Variants in MYBPC3 observed in about 807,000 individuals in gnomAD.
MYBPC3 encodes myosin-binding protein C, cardiac-type.
In MYBPC3, 108 loss-of-function variants were observed where a neutral mutation model predicts 159.3. The ratio of observed to expected loss-of-function variants is 0.68; its 90% CI spans 0.58 to 0.80. The LOEUF (loss-of-function observed/expected upper bound fraction) is 0.80. Among genes scored for constraint, MYBPC3 ranks in the 30% least tolerant of loss-of-function variants. The pLI is 0.00. For missense variants in MYBPC3, 1,631 were observed against 1,762.1 expected, an observed-to-expected ratio of 0.93 and a Z score of 1.33; for synonymous variants, 730 against 702.0, an observed-to-expected ratio of 1.04 and a Z score of -0.63.
Position 47,337,571 on chromosome 11 carries a change from G to A in MYBPC3, c.2422C>T (p.Leu808=). 1.2e-6 allele frequency: 2 copies of A among 1,613,988 alleles called. No homozygotes were observed. Among genetic ancestry groups the A allele is most frequent in the Non-Finnish European group, 1.7e-6 (2 of 1,179,898 alleles). ...TAGCTCTTCTTCTTCTTGCGCTCCA[G>A]GATGTAGCCTGGCTCAGGGGAGGTG... The part of the protein sequence containing the change: ...DGGQPILGYI[L]ERKKKKSYRW... The change falls in exon 25 of 35, where the codon CTG becomes TTG. Residue 808 remains leucine (L), a synonymous_variant. Transcript: ENST00000545968.
rs1441492573 is a variant in MYBPC3 at position 47,351,172 on chromosome 11, T to C, written c.292+67A>G. On this transcript the variant is annotated intron_variant, in intron 2 of 34. Transcript: ENST00000545968. The surrounding 1 kb of genome is among the most constrained non-coding windows in gnomAD (Gnocchi z 4.2). ...AAGCACCTCCTGTTCCCTGGATGGA[T>C]GGAGAGTCGCTGGGCTGCCCCTCCC... 4 of 1,440,990 alleles carry C rather than the reference T, an allele frequency of 2.8e-6. No homozygotes were observed. Among genetic ancestry groups the C allele is most frequent in the Admixed American group, 2.6e-5 (1 of 38,832 alleles). 89.3% of individuals were successfully genotyped at this position (1,440,990 alleles called of 1,614,324 possible).
chr11:47,345,441 C>T lies in MYBPC3; in HGVS notation c.1090+766G>A, dbSNP rs577269145. On this transcript the variant is annotated intron_variant, in intron 12 of 34. Transcript: ENST00000545968. ...CAGCTCCTCTCCCCGTCCCCATGAT[C>T]GTGTGTGTTTTGTGTGTGTGCTTTG... Among the ~76,000 whole-genome samples the T allele has an allele frequency of 6.6e-5, 10 of 152,212 alleles. No individual in the cohort carries two copies. In the East Asian group the frequency reaches 1.2e-3, roughly 18 times the overall value.
At chr11:47,337,199 T>G (rs1293802896) in intron 25 of MYBPC3, among the ~76,000 whole-genome samples, 192 bp downstream of exon 25, 1 of 152,118 alleles carries the variant, frequency 6.6e-6, no homozygotes, top group African/African-American at 2.4e-5. Flanking sequence ...AGCTGGGAGA[T>G]CTCAAGCAGG....
Position 47,343,708 on chromosome 11 carries a change from C to T in MYBPC3, c.1091-84G>A, listed in dbSNP as rs935004835. On this transcript the variant is annotated intron_variant, in intron 12 of 34. Coordinates refer to ENST00000545968, the MANE Select transcript of MYBPC3 (RefSeq NM_000256.3). ...AAGCTACTGTGGCTGTGGCTGGGGC[C>T]CAGGTCCCCCCCTCCAATCCCCTCT... is the stretch of plus-strand genomic sequence containing the variant. 4.3e-6 allele frequency: 6 copies of T among 1,404,752 alleles called. No individual in the cohort carries two copies. The African/African-American group carries it at 8.5e-5, about 20-fold the overall frequency. 87.0% of individuals were successfully genotyped at this position (1,404,752 alleles called of 1,614,324 possible).
intron 2 of MYBPC3, 78 bp from the exon 3 acceptor site, chr11:47,350,693 C>T (rs2095899868): frequency 7.2e-7 from 1 of 1,392,670 alleles, no homozygotes; most frequent in South Asian, 1.8e-5. Flanking sequence ...GAGCATTGGA[C>T]CCATGAGCCC....
rs567178906 is a variant in MYBPC3 at position 47,347,965 on chromosome 11, C to A, written c.773-60G>T. ...CTTCAGAGGGGGCCGTTTGAGAAGCCCTGCCCTGGGGGCGGCCTCTGAGTA... is the reference window on the plus strand; with the variant it reads ...CTTCAGAGGGGGCCGTTTGAGAAGCACTGCCCTGGGGGCGGCCTCTGAGTA... On this transcript the variant is annotated intron_variant, in intron 6 of 34. Coordinates refer to ENST00000545968, the MANE Select transcript of MYBPC3 (RefSeq NM_000256.3). The A allele has an allele frequency of 6.1e-5, 91 of 1,495,610 alleles. No individual in the cohort carries two copies. The African/African-American group carries it at 1.2e-3, about 19-fold the overall frequency. The allele number at this position is 1,495,610 out of a possible 1,614,324, so 92.6% of individuals were successfully genotyped here. A position where few individuals can be genotyped will look rare whatever the true frequency, so the allele number is the denominator to read the frequency against.
intron 12 of MYBPC3, among the ~76,000 whole-genome samples, chr11:47,345,792 C>T (rs1351354896): frequency 6.6e-6 from 1 of 152,156 alleles, no homozygotes; most frequent in African/African-American, 2.4e-5. Context: ...GGCCTCTTCC[C>T]TTTTCTTTTG....
At chr11:47,348,121 C>T (rs923266429) in intron 6 of MYBPC3, among the ~76,000 whole-genome samples, 3 of 152,202 alleles carry the variant, frequency 2.0e-5, no homozygotes, top group African/African-American at 7.2e-5. Context: ...CCACCCATCT[C>T]TCAACTCACC....
At position 47,339,774 on chromosome 11, in the gene MYBPC3, G is replaced by A. The variant is rs750861887; in HGVS notation, c.1944C>T (p.His648=). The A allele has an allele frequency of 3.1e-6, 5 of 1,613,648 alleles. No homozygotes were observed. Among genetic ancestry groups the A allele is most frequent in the African/African-American group, 1.3e-5 (1 of 74,936 alleles). Residue 648 remains histidine (H), a synonymous_variant, in exon 21 of 35, where the codon CAC becomes CAT. Coordinates refer to ENST00000545968, the MANE Select transcript of MYBPC3 (RefSeq NM_000256.3). ...FVPRQEPPKI[H]LDCPGRIPDT... Reference sequence around the variant, plus strand: ...CTGGTATGCGGCCTGGGCAGTCCAGGTGGATCTTGGGAGGTTCTGCAGAAG... The same window carrying A: ...CTGGTATGCGGCCTGGGCAGTCCAGATGGATCTTGGGAGGTTCTGCAGAAG...
chr11:47,346,687 G>A lies in MYBPC3; in HGVS notation c.909-43C>T, dbSNP rs370771983. ...GTGGGAGAAAGGGTAGGTGGCACATGAGAGGTATGGCCACCTTCCCTCAAA... is the reference window on the plus strand; with the variant it reads ...GTGGGAGAAAGGGTAGGTGGCACATAAGAGGTATGGCCACCTTCCCTCAAA... On this transcript the variant is annotated intron_variant, in intron 10 of 34. Coordinates refer to ENST00000545968, the MANE Select transcript of MYBPC3 (RefSeq NM_000256.3). This position sits in a 1 kb window ranked among gnomAD's most constrained non-coding sequence, Gnocchi z 5.3. 142 of 1,581,590 alleles carry A rather than the reference G, an allele frequency of 9.0e-5. 1 individual carries two copies. In the African/African-American group the frequency reaches 1.9e-3, roughly 21 times the overall value.
chr11:47,339,755 T>C lies in MYBPC3; in HGVS notation c.1963A>G (p.Ile655Val). 3 of 1,613,942 alleles carry C rather than the reference T, an allele frequency of 1.9e-6. No individual in the cohort carries two copies. Among genetic ancestry groups the C allele is most frequent in the Non-Finnish European group, 2.5e-6 (3 of 1,179,830 alleles). Reference sequence around the variant, plus strand: ...GCTACAACCACAATGGTGTCTGGTATGCGGCCTGGGCAGTCCAGGTGGATC... The same window carrying C: ...GCTACAACCACAATGGTGTCTGGTACGCGGCCTGGGCAGTCCAGGTGGATC... ...PKIHLDCPGR[I>V]PDTIVVVAGN... The change falls in exon 21 of 35, where the codon ATA becomes GTA. Residue 655 changes from isoleucine to valine, a missense_variant. Physicochemically the swap from Ile to Val is conservative, Grantham distance 29. Transcript: ENST00000545968.
At chr11:47,345,426 C>T (rs1054500270) in intron 12 of MYBPC3, among the ~76,000 whole-genome samples, 1 of 152,174 alleles carries the variant, frequency 6.6e-6, no homozygotes, top group African/African-American at 2.4e-5. Context: ...CAGCTCCTCT[C>T]CCCGTCCCCA....
Position 47,332,360 on chromosome 11 carries a change from C to T in MYBPC3, c.3628-102G>A, listed in dbSNP as rs557284558. ...CTGTGTTTCTACTCGGGGGGTCCCA[C>T]GAGAGTCCCTGACTATGCCCAAGGC... On this transcript the variant is annotated intron_variant, in intron 32 of 34. Coordinates refer to ENST00000545968, the MANE Select transcript of MYBPC3 (RefSeq NM_000256.3). The surrounding 1 kb of genome is among the most constrained non-coding windows in gnomAD (Gnocchi z 4.2). The T allele has an allele frequency of 4.0e-5, 59 of 1,467,210 alleles. No individual in the cohort carries two copies. The South Asian group carries it at 4.8e-4, about 12-fold the overall frequency. The allele number at this position is 1,467,210 out of a possible 1,614,324, so 90.9% of individuals were successfully genotyped here.
intron 9 of MYBPC3, 28 bp downstream of exon 9, chr11:47,347,398 G>T (rs899144129): frequency 6.4e-7 from 1 of 1,568,460 alleles, no homozygotes; most frequent in East Asian, 2.4e-5. Flanking sequence ...CTCACCAGCT[G>T]CCCCAGGAAC....
At chr11:47,347,730 C>G (rs373463107) in intron 7 of MYBPC3, 50 bp from the exon 8 acceptor site, 2 of 1,552,388 alleles carry the variant, frequency 1.3e-6, no homozygotes, top group Non-Finnish European at 1.7e-6. Flanking sequence ...GCTTGCTCTC[C>G]CCTGCAGCCC....
rs747599797 is a variant in MYBPC3 at position 47,332,303 on chromosome 11, AG to A, written c.3628-46del. ...AGGGAGGGAAGCCATCCAGGCTGAGAGGGGACCTGGCAGGGACCCAGGGAGA... is the reference window on the plus strand; with the variant it reads ...AGGGAGGGAAGCCATCCAGGCTGAGAGGGACCTGGCAGGGACCCAGGGAGA... On this transcript the variant is annotated intron_variant, in intron 32 of 34. Transcript: ENST00000545968. This position sits in a 1 kb window ranked among gnomAD's most constrained non-coding sequence, Gnocchi z 4.2. 6.3e-7 allele frequency: 1 copy of A among 1,599,428 alleles called. No homozygotes were observed. The highest frequency in any genetic ancestry group is 1.7e-5 in the Admixed American group (1 of 59,978).
chr11:47,343,467 C>A, intron 13 of MYBPC3, 25 bp downstream of exon 13: 1 of 1,559,248 alleles, frequency 6.4e-7, no homozygotes, highest in Non-Finnish European at 8.7e-7. Flanking sequence ...TCCACCCGAG[C>A]CCCCCTCCCC....
At chr11:47,331,799 A>G (rs1414778429) in intron 34 of MYBPC3, 46 bp downstream of exon 34, 3 of 1,558,448 alleles carry the variant, frequency 1.9e-6, no homozygotes, top group Admixed American at 3.7e-5. Context: ...ACCAAGGGCC[A>G]GGGCTCAGCC....
intron 5 of MYBPC3, among the ~76,000 whole-genome samples, chr11:47,349,363 C>T (rs1202254451): frequency 1.3e-5 from 2 of 152,084 alleles, no homozygotes; most frequent in East Asian, 3.9e-4. Context: ...CTGGTTAATC[C>T]CTGAGAGTCC....
Sources: gnomAD v4.1 joint callset for allele counts (sites outside exome capture counted in the v4.1 genomes callset) on GRCh38, gnomAD v4.1.1 for gene constraint, Gnocchi (gnomAD v3.1) non-coding constraint, MANE v1.5 for transcripts, NCBI Gene and HGNC (gene_info 2026-07-23, HGNC 2026-07-21) for gene names.